Variants in ENAH observed in about 807,000 individuals in gnomAD.
ENAH encodes the protein ENAH actin regulator, also known as protein enabled homolog.
A neutral mutation model predicts 78.7 loss-of-function variants in ENAH; 23 were observed. That is an observed-to-expected ratio of 0.29 (90% CI 0.21 to 0.41). The LOEUF (loss-of-function observed/expected upper bound fraction) is 0.41, where lower values mean the gene tolerates loss of function less well. Among genes scored for constraint, ENAH ranks in the 10% least tolerant of loss-of-function variants. ENAH has a pLI of 1.00. For synonymous variants in ENAH, 226 were observed against 241.0 expected (o/e 0.94, Z 0.58); for missense variants, 544 against 691.0 (o/e 0.79, Z 2.39).
intron 1 of ENAH, among the ~76,000 whole-genome samples, chr1:225,586,372 CA>C (rs1254371856): frequency 1.3e-5 from 2 of 151,388 alleles, no homozygotes; most frequent in African/African-American, 4.9e-5. Context: ...TCCTCACAAA[CA>C]AAACTCCAGG....
At chr1:225,641,074 A>G (rs1019567649) in intron 1 of ENAH, among the ~76,000 whole-genome samples, 1 of 151,918 alleles carries the variant, frequency 6.6e-6, no homozygotes, top group African/African-American at 2.4e-5. Flanking sequence ...CGTGTTAGCC[A>G]GGATGGTCTC....
chr1:225,641,021 G>T (rs575088717), intron 1 of ENAH, among the ~76,000 whole-genome samples: 1 of 148,600 alleles, frequency 6.7e-6, no homozygotes, highest in African/African-American at 2.5e-5. Context: ...CCGCCACCAC[G>T]CCTGACTAAT....
chr1:225,543,879 T>C (rs2096601045), intron 3 of ENAH, among the ~76,000 whole-genome samples: 1 of 152,212 alleles, frequency 6.6e-6, no homozygotes, highest in Non-Finnish European at 1.5e-5. Flanking sequence ...AAAGACTCCT[T>C]AGAATTTTTC....
intron 3 of ENAH, among the ~76,000 whole-genome samples, chr1:225,537,839 G>A (rs1180815262): frequency 6.6e-6 from 1 of 151,978 alleles, no homozygotes; most frequent in Non-Finnish European, 1.5e-5. Context: ...TACAAGCAGG[G>A]AAATGTAGAA....
chr1:225,529,831 T>C (rs1451998020), intron 4 of ENAH, among the ~76,000 whole-genome samples: 1 of 152,214 alleles, frequency 6.6e-6, no homozygotes, highest in African/African-American at 2.4e-5. Flanking sequence ...GTATATACAC[T>C]GTCTGAAGAA....
At chr1:225,547,936 G>A (rs2096622667) in intron 3 of ENAH, among the ~76,000 whole-genome samples, 1 of 152,072 alleles carries the variant, frequency 6.6e-6, no homozygotes, top group Non-Finnish European at 1.5e-5. Flanking sequence ...TATGTTATCT[G>A]TCCTCAGACA....
intron 4 of ENAH, 91 bp from the exon 5 acceptor site, chr1:225,519,656 G>A: frequency 1.3e-6 from 2 of 1,516,708 alleles, no homozygotes; most frequent in Non-Finnish European, 8.8e-7. Context: ...CTATTTCTGA[G>A]TCAAATAAAA....
rs2096256779 is a variant in ENAH at position 225,497,794 on chromosome 1, C to T, written c.1694G>A (p.Ser565Asn). 6.2e-7 allele frequency: 1 copy of T among 1,612,620 alleles called. No homozygotes were observed. The highest frequency in any genetic ancestry group is 8.5e-7 in the Non-Finnish European group (1 of 1,179,252). Residue 565 changes from serine to asparagine, a missense_variant, in exon 14 of 14, where the codon AGC becomes AAC. Physicochemically the swap from Ser to Asn is conservative, Grantham distance 46. Transcript: ENST00000366843. ...GTTCCTCTATGCAGTATTTGACTTGCTCAGTTCCTGCCTGATTGCTGGATG... is the reference window on the plus strand; with the variant it reads ...GTTCCTCTATGCAGTATTTGACTTGTTCAGTTCCTGCCTGATTGCTGGATG... Reference protein sequence around the residue: ...ELIDAIRQELSKSNTA With the variant: ...ELIDAIRQELNKSNTA
At chr1:225,618,405 G>A (rs1402790344) in intron 1 of ENAH, among the ~76,000 whole-genome samples, 1 of 152,072 alleles carries the variant, frequency 6.6e-6, no homozygotes, top group African/African-American at 2.4e-5. Flanking sequence ...ATACAAAATT[G>A]GCCACAGGGA....
chr1:225,641,174 C>T (rs1396227348), intron 1 of ENAH, among the ~76,000 whole-genome samples: 1 of 151,718 alleles, frequency 6.6e-6, no homozygotes, highest in African/African-American at 2.4e-5. Flanking sequence ...AATACAAGTA[C>T]ACACATTTTA....
rs1177451807 is a variant in ENAH at position 225,574,919 on chromosome 1, A to AAAATAT, written c.6-7506_6-7505insATATTT. On this transcript the variant is annotated intron_variant, in intron 1 of 13. Coordinates refer to ENST00000366843, the MANE Select transcript of ENAH (RefSeq NM_018212.6). ...CCGTCTCAAAAAAAAAAAAAAAAAA[A>AAAATAT]ATATATATATATAAAAAAAAAAAAA... 9.0e-3 allele frequency among the ~76,000 whole-genome samples: 27 copies of AAAATAT among 2,992 alleles called. 11 individuals carry two copies. The highest frequency in any genetic ancestry group is 0.059 in the African/African-American group (24 of 406). 2.0% of individuals were successfully genotyped at this position (2,992 alleles called of 152,430 possible).
intron 2 of ENAH, among the ~76,000 whole-genome samples, chr1:225,557,266 TA>T (rs1244696266): frequency 2.0e-5 from 3 of 152,200 alleles, no homozygotes; most frequent in Admixed American, 2.0e-4. Flanking sequence ...TTAGATTTAT[TA>T]TTTTCTATTA....
intron 1 of ENAH, among the ~76,000 whole-genome samples, chr1:225,590,685 A>T (rs1003316355): frequency 6.6e-6 from 1 of 152,108 alleles, no homozygotes; most frequent in Non-Finnish European, 1.5e-5. Flanking sequence ...TCCTCTGCCA[A>T]CATCCCTATG....
At chr1:225,594,269 T>C (rs150901992) in intron 1 of ENAH, among the ~76,000 whole-genome samples, 109 of 152,240 alleles carry the variant, frequency 7.2e-4, no homozygotes, top group African/African-American at 2.5e-3. Flanking sequence ...AAGTCTCAGT[T>C]TTGGGGAAAT....
chr1:225,564,657 T>A (rs534703920), intron 2 of ENAH, among the ~76,000 whole-genome samples: 2 of 151,954 alleles, frequency 1.3e-5, no homozygotes, highest in Non-Finnish European at 2.9e-5. Context: ...CAGGCTGGTC[T>A]TGAACTCTTG....
rs757488605 is a variant in ENAH, at chr1:225,519,495, C to T, written c.505G>A (p.Glu169Lys). 2 of 1,611,866 alleles carry T rather than the reference C, an allele frequency of 1.2e-6. No individual in the cohort carries two copies. Among genetic ancestry groups the T allele is most frequent in the Non-Finnish European group, 1.7e-6 (2 of 1,178,754 alleles). ...ERLERERMER[E>K]RLERERLERE... ...TCTAACCTCTCTCTCTCCAACCTTT[C>T]TCTTTCCATTCTTTCTCGCTCCAGC... The change falls in exon 5 of 14, where the codon GAA (glutamate) becomes AAA (lysine). Residue 169 changes from glutamate (E) to lysine (K), a missense_variant. By Grantham distance (56) the Glu-to-Lys change is moderately conservative. This residue lies in a region of ENAH where 366 missense variants were observed against 396.1 expected (regional missense o/e 0.92). Transcript: ENST00000366843.
intron 12 of ENAH, among the ~76,000 whole-genome samples, chr1:225,499,183 T>C (rs1413436725): frequency 6.6e-6 from 1 of 152,218 alleles, no homozygotes; most frequent in East Asian, 1.9e-4. Context: ...CCTTTTGTTT[T>C]GTATTTTTAA....
At chr1:225,646,848 G>GT (rs1662060041) in intron 1 of ENAH, among the ~76,000 whole-genome samples, 1 of 151,944 alleles carries the variant, frequency 6.6e-6, no homozygotes, top group Non-Finnish European at 1.5e-5. Context: ...CCAGTCTATG[G>GT]TATTTTGTTA....
At chr1:225,625,791 C>T (rs143243205) in intron 1 of ENAH, among the ~76,000 whole-genome samples, 20 of 152,344 alleles carry the variant, frequency 1.3e-4, no homozygotes, top group African/African-American at 4.6e-4. Context: ...GCTGGGATTA[C>T]AGGCATGAGC....
Sources: gnomAD v4.1 joint callset for allele counts (sites outside exome capture counted in the v4.1 genomes callset) on GRCh38, gnomAD v4.1.1 for gene constraint, gnomAD v4.1.1 regional missense constraint, MANE v1.5 for transcripts, NCBI Gene and HGNC (gene_info 2026-07-23, HGNC 2026-07-21) for gene names.